The following SLC9C2 variants were observed in gnomAD, a reference collection of about 807,000 sequenced individuals.
The protein encoded by SLC9C2 is solute carrier family 9 member C2 (putative), also known as sodium/hydrogen exchanger 11.
In SLC9C2, 75 loss-of-function variants were observed where a neutral mutation model predicts 140.2. The ratio of observed to expected loss-of-function variants is 0.53; its 90% confidence interval spans 0.44 to 0.65. The LOEUF is 0.65. Ranked by LOEUF, SLC9C2 falls within the 30% of genes least tolerant of loss-of-function variation. The pLI, the probability that SLC9C2 is intolerant of heterozygous loss-of-function variation, is 0.00. For missense variants in SLC9C2, 1,074 were observed against 1,331.8 expected, an observed-to-expected ratio of 0.81 and a Z score of 3.01; for synonymous variants, 375 against 420.9, an observed-to-expected ratio of 0.89 and a Z score of 1.34.
intron 23 of SLC9C2, 70 bp from the exon 24 acceptor site, chr1:173,509,769 G>C (rs1238709107): frequency 6.8e-7 from 1 of 1,463,838 alleles, no homozygotes; most frequent in Non-Finnish European, 9.2e-7. Context: ...CAAAAAACAA[G>C]ATGCCTGCAG....
chr1:173,576,009 T>C (rs757171019), intron 8 of SLC9C2, among the ~76,000 whole-genome samples: 1 of 152,348 alleles, frequency 6.6e-6, no homozygotes, highest in Middle Eastern at 3.4e-3. Context: ...GCATAGTCCT[T>C]ATATTAAATA....
At chr1:173,597,027 A>G (rs1251989167) in intron 4 of SLC9C2, among the ~76,000 whole-genome samples, 1 of 152,044 alleles carries the variant, frequency 6.6e-6, no homozygotes, top group Non-Finnish European at 1.5e-5. Flanking sequence ...TGGGAAAAAC[A>G]TAGAAGATTG....
intron 4 of SLC9C2, among the ~76,000 whole-genome samples, chr1:173,594,358 C>T (rs1236110809): frequency 6.6e-6 from 1 of 152,130 alleles, no homozygotes; most frequent in Non-Finnish European, 1.5e-5. Context: ...GATAAATATG[C>T]TAATTACCCT....
intron 23 of SLC9C2, among the ~76,000 whole-genome samples, chr1:173,514,859 TC>T (rs1660308155): frequency 6.6e-6 from 1 of 152,138 alleles, no homozygotes; most frequent in African/African-American, 2.4e-5. Flanking sequence ...GGTGACAAAA[TC>T]CCTCAGCATT....
intron 22 of SLC9C2, among the ~76,000 whole-genome samples, chr1:173,518,032 G>A (rs1007805643): frequency 4.6e-5 from 7 of 152,144 alleles, no homozygotes; most frequent in South Asian, 4.1e-4. Context: ...AGGCCAAGGC[G>A]GGCGGATCAC....
intron 20 of SLC9C2, 61 bp from the exon 21 acceptor site, chr1:173,524,155 G>GA: frequency 1.4e-6 from 2 of 1,447,238 alleles, no homozygotes; most frequent in East Asian, 2.4e-5. Flanking sequence ...GGACACTAGG[G>GA]AAAAACTAAG....
rs1235813980 is a variant in SLC9C2 at position 173,507,056 on chromosome 1, C to A, written c.3040-15G>T. ...AACCTTAAGTCCTATAATAAAATTGCATTTTAGAAAATAAGTCATACAAAC... is the reference window on the plus strand; with the variant it reads ...AACCTTAAGTCCTATAATAAAATTGAATTTTAGAAAATAAGTCATACAAAC... On this transcript the variant is annotated splice_polypyrimidine_tract_variant and intron_variant, in intron 24 of 27. Coordinates refer to ENST00000367714, the MANE Select transcript of SLC9C2 (RefSeq NM_178527.4). The A allele has an allele frequency of 1.3e-6, 2 of 1,532,440 alleles. No individual in the cohort carries two copies. Among genetic ancestry groups the A allele is most frequent in the African/African-American group, 1.4e-5 (1 of 71,086 alleles). The allele number at this position is 1,532,440 out of a possible 1,614,324, so 94.9% of individuals were successfully genotyped here.
intron 2 of SLC9C2, 106 bp downstream of exon 2, chr1:173,601,543 GT>G (rs966087175): frequency 7.8e-7 from 1 of 1,274,162 alleles, no homozygotes; most frequent in African/African-American, 1.5e-5. Flanking sequence ...ATGTCTTATC[GT>G]TTCAATGGGC....
chr1:173,558,868 C>T (rs573162735), intron 9 of SLC9C2, among the ~76,000 whole-genome samples: 5 of 152,344 alleles, frequency 3.3e-5, no homozygotes, highest in African/African-American at 1.2e-4. Context: ...TAAAGCCTTT[C>T]CTCTAGTGAT....
chr1:173,562,738 A>G (rs991365581), intron 9 of SLC9C2, among the ~76,000 whole-genome samples: 1 of 152,200 alleles, frequency 6.6e-6, no homozygotes, highest in African/African-American at 2.4e-5. Context: ...CACATTTTAA[A>G]TCACATTCTT....
At chr1:173,536,677 A>G (rs951235552) in intron 14 of SLC9C2, among the ~76,000 whole-genome samples, 2 of 152,176 alleles carry the variant, frequency 1.3e-5, no homozygotes, top group Non-Finnish European at 2.9e-5. Context: ...GTCTTATCTA[A>G]TTACATGACA....
chr1:173,549,350 A>G (rs1663090684), intron 11 of SLC9C2, among the ~76,000 whole-genome samples: 1 of 152,232 alleles, frequency 6.6e-6, no homozygotes, highest in South Asian at 2.1e-4. Context: ...CTCAAACATC[A>G]GGATCAGTTC....
At chr1:173,556,927 C>CA (rs79800435) in intron 10 of SLC9C2, among the ~76,000 whole-genome samples, 491 of 70,560 alleles carry the variant, frequency 7.0e-3, no homozygotes, top group African/African-American at 0.012. Context: ...AATCTTGTCT[C>CA]AAAAAAAAAA....
chr1:173,507,917 T>C (rs1659771935), intron 24 of SLC9C2, among the ~76,000 whole-genome samples: 2 of 152,288 alleles, frequency 1.3e-5, no homozygotes, highest in South Asian at 4.1e-4. Context: ...ACAGCCGTGC[T>C]TGCAAACTAA....
chr1:173,579,374 T>A (rs1000696498), intron 7 of SLC9C2, among the ~76,000 whole-genome samples: 3 of 152,190 alleles, frequency 2.0e-5, no homozygotes, highest in African/African-American at 7.2e-5. Context: ...GATGTATTTA[T>A]CCCATGAAAA....
At chr1:173,526,939 G>A (rs60769229) in intron 18 of SLC9C2, among the ~76,000 whole-genome samples, 12,694 of 151,992 alleles carry the variant, frequency 0.084, 1,735 homozygotes, top group African/African-American at 0.29. Context: ...TCCACTTCCC[G>A]GGTTCAAGTT....
In SLC9C2 at chr1:173,509,459, T is replaced by C. The variant is rs1034431971; in HGVS notation, c.3039+109A>G. On this transcript the variant is annotated intron_variant, in intron 24 of 27. Transcript: ENST00000367714. Reference sequence around the variant, plus strand: ...GCCTCTGTCTCAAAAAAAAAAAAAATCAAACACAAATTTCCTTTCTATTTT... The same window carrying C: ...GCCTCTGTCTCAAAAAAAAAAAAAACCAAACACAAATTTCCTTTCTATTTT... 6.7e-6 allele frequency: 7 copies of C among 1,046,232 alleles called. No homozygotes were observed. The African/African-American group carries it at 1.0e-4, about 15-fold the overall frequency. The allele number at this position is 1,046,232 out of a possible 1,614,324, so 64.8% of individuals were successfully genotyped here. A position where few individuals can be genotyped will look rare whatever the true frequency, so the allele number is the denominator to read the frequency against.
At chr1:173,531,906 CTT>C (rs1661603522) in intron 17 of SLC9C2, among the ~76,000 whole-genome samples, 1 of 152,160 alleles carries the variant, frequency 6.6e-6, no homozygotes, top group African/African-American at 2.4e-5. Context: ...CATTTTAAGT[CTT>C]TGCATCACAC....
Position 173,581,862 on chromosome 1 carries a change from T to A in SLC9C2, c.787A>T (p.Met263Leu). ...TCAGCCTTACCAATATAGAAAGTCA[T>A]GTACACCATTGAAAAGCAGAGAATG... ...NIILCFSMVY[M>L]TFYIVEFLGM... Residue 263 changes from methionine to leucine, a missense_variant, in exon 7 of 28, where the codon ATG becomes TTG. Transcript: ENST00000367714. 1.3e-6 allele frequency: 2 copies of A among 1,586,004 alleles called. No homozygotes were observed. Among genetic ancestry groups the A allele is most frequent in the Admixed American group, 3.4e-5 (2 of 58,102 alleles).
Sources: allele counts gnomAD v4.1 joint callset (sites outside exome capture counted in the v4.1 genomes callset), GRCh38; gene constraint gnomAD v4.1.1; transcripts MANE v1.5; gene names NCBI Gene and HGNC (gene_info 2026-07-23, HGNC 2026-07-21).